The following IBSP variants were observed in gnomAD, a reference collection of about 807,000 sequenced individuals.
IBSP encodes the protein integrin binding sialoprotein.
IBSP carries 19 observed loss-of-function variants against 25.5 expected under a neutral mutation model. The ratio of observed to expected loss-of-function variants is 0.74; its 90% CI spans 0.52 to 1.09. The LOEUF (loss-of-function observed/expected upper bound fraction) is 1.09, where lower values mean the gene tolerates loss of function less well. Ranked by LOEUF, IBSP falls within the 50% of genes least tolerant of loss-of-function variation. The pLI is 0.00. For synonymous variants in IBSP, 144 were observed against 137.6 expected, an observed-to-expected ratio of 1.05 and a Z score of -0.33; for missense variants, 360 against 382.3, an observed-to-expected ratio of 0.94 and a Z score of 0.49.
At chr4:87,804,837 T>G (rs751488760) in intron 4 of IBSP, among the ~76,000 whole-genome samples, 10 of 152,066 alleles carry the variant, frequency 6.6e-5, no homozygotes, top group Non-Finnish European at 1.2e-4. Context: ...AAGCCAGAGG[T>G]GAAGGAGCAT....
In IBSP at chr4:87,811,366, G is replaced by C. The variant is rs762327098; in HGVS notation, c.410G>C (p.Gly137Ala). The C allele has an allele frequency of 1.1e-5, 17 of 1,603,434 alleles. No individual in the cohort carries two copies. The highest frequency in any genetic ancestry group is 1.4e-5 in the Non-Finnish European group (17 of 1,176,476). The part of the protein sequence containing the change: ...LAAIQLPKKA[G>A]DITNKATKEK... ...CTTTCAAACGTTTCCTTACAGGCTG[G>C]GGATATAACAAATAAAGCTACAAAA... The change falls in exon 7 of 7, where the codon GGG becomes GCG. Residue 137 changes from glycine to alanine, a missense_variant. Gly to Ala is a moderately conservative substitution (Grantham distance 60). Coordinates refer to ENST00000226284, the MANE Select transcript of IBSP (RefSeq NM_004967.4).
intron 4 of IBSP, 149 bp from the exon 5 acceptor site, chr4:87,805,973 T>A (rs889203523): frequency 1.5e-6 from 1 of 648,512 alleles, no homozygotes; most frequent in African/African-American, 1.9e-5. Context: ...CTGTTCTTAG[T>A]AAACAAGTCA....
intron 1 of IBSP, among the ~76,000 whole-genome samples, chr4:87,801,418 T>G (rs1722013647): frequency 6.6e-6 from 1 of 151,904 alleles, no homozygotes; most frequent in Admixed American, 6.6e-5. Context: ...GATGTCAGTG[T>G]GATATTTCAT....
Position 87,802,572 on chromosome 4 carries a change from G to A in IBSP, c.105+14G>A. 1 of 1,599,720 alleles carries A rather than the reference G, an allele frequency of 6.3e-7. No individual in the cohort carries two copies. Among genetic ancestry groups the A allele is most frequent in the South Asian group, 1.1e-5 (1 of 87,958 alleles). ...GAAGAAAATGGGGTAATTAATTTTA[G>A]CATACTTCCTTGGCCTGATTATACT... On this transcript the variant is annotated intron_variant, in intron 3 of 6. Coordinates refer to ENST00000226284, the MANE Select transcript of IBSP (RefSeq NM_004967.4).
At chr4:87,800,512 G>C (rs895297964) in intron 1 of IBSP, among the ~76,000 whole-genome samples, 1 of 152,124 alleles carries the variant, frequency 6.6e-6, no homozygotes, top group Non-Finnish European at 1.5e-5. Context: ...TGATGGGCTT[G>C]GTCACGGCTG....
chr4:87,807,307 T>C (rs1722102572), intron 5 of IBSP, among the ~76,000 whole-genome samples: 1 of 152,174 alleles, frequency 6.6e-6, no homozygotes, highest in South Asian at 2.1e-4. Context: ...TATTCAAAAA[T>C]GGATCATGTA....
intron 1 of IBSP, among the ~76,000 whole-genome samples, chr4:87,801,505 CACACACACACGCAT>C (rs1424676986): frequency 2.3e-5 from 2 of 87,950 alleles, no homozygotes; most frequent in Non-Finnish European, 6.2e-5. Flanking sequence ...CACACACACA[CACACACACACGCAT>C]ATACACACAC....
intron 5 of IBSP, among the ~76,000 whole-genome samples, chr4:87,807,435 T>C (rs1722103848): frequency 6.7e-6 from 1 of 149,256 alleles, no homozygotes; most frequent in Non-Finnish European, 1.5e-5. Context: ...TACTAACATC[T>C]TGAAGGAAGG....
Position 87,811,981 on chromosome 4 carries a change from G to C in IBSP, c.*71G>C. ...CTACCATTTTCGAAGTTCAACTCAG[G>C]AAGGTGCAATATAACAAATGTGCAT... On this transcript the variant is annotated 3_prime_UTR_variant, in exon 7 of 7. Coordinates refer to ENST00000226284, the MANE Select transcript of IBSP (RefSeq NM_004967.4). 1.6e-6 allele frequency: 2 copies of C among 1,227,972 alleles called. No individual in the cohort carries two copies. Among genetic ancestry groups the C allele is most frequent in the Non-Finnish European group, 2.3e-6 (2 of 878,056 alleles). The allele number at this position is 1,227,972 out of a possible 1,614,324, so 76.1% of individuals were successfully genotyped here. A position where few individuals can be genotyped will look rare whatever the true frequency, so the allele number is the denominator to read the frequency against.
At chr4:87,802,459 T>C (rs373609852) in intron 2 of IBSP, 44 bp downstream of exon 2, 2 of 1,595,708 alleles carry the variant, frequency 1.3e-6, no homozygotes, top group Non-Finnish European at 1.7e-6. Flanking sequence ...AGTTTTGTCT[T>C]TTTATGTAAA....
rs377383906 is a variant in IBSP at position 87,806,207 on chromosome 4, C to A, written c.246+23C>A. The stretch of plus-strand genomic sequence containing the variant: ...GAGGTAAGGAATTTTGCAATCTTTT[C>A]GTAATAAAGCAGACAGCACAAGAAA... On this transcript the variant is annotated intron_variant, in intron 5 of 6. Coordinates refer to ENST00000226284, the MANE Select transcript of IBSP (RefSeq NM_004967.4). 13 of 1,583,952 alleles carry A rather than the reference C, an allele frequency of 8.2e-6. No individual in the cohort carries two copies. The South Asian group carries it at 1.5e-4, about 18-fold the overall frequency.
chr4:87,800,667 C>T (rs1314898112), intron 1 of IBSP, among the ~76,000 whole-genome samples: 1 of 152,126 alleles, frequency 6.6e-6, no homozygotes, highest in African/African-American at 2.4e-5. Context: ...ACTGTCTGGG[C>T]ACCAAAACCC....
rs894108086 is a variant in IBSP at position 87,812,243 on chromosome 4, T to C, written c.*333T>C. On this transcript the variant is annotated 3_prime_UTR_variant, in exon 7 of 7. Coordinates refer to ENST00000226284, the MANE Select transcript of IBSP (RefSeq NM_004967.4). ...AGTATTGCTAACTGCAAAAACATAC[T>C]CTTTGTACAAGAAGTGCTTCTAAGA... The C allele has an allele frequency of 1.3e-5, 3 of 228,628 alleles. No individual in the cohort carries two copies. The highest frequency in any genetic ancestry group is 2.3e-5 in the African/African-American group (1 of 44,302). 14.2% of individuals were successfully genotyped at this position (228,628 alleles called of 1,614,324 possible).
chr4:87,809,356 T>C (rs1412813219), intron 5 of IBSP, among the ~76,000 whole-genome samples: 2 of 152,218 alleles, frequency 1.3e-5, no homozygotes, highest in Non-Finnish European at 2.9e-5. Flanking sequence ...ACCAATAAAC[T>C]GCTATCTATT....
At chr4:87,807,276 C>T (rs1722102071) in intron 5 of IBSP, among the ~76,000 whole-genome samples, 1 of 152,094 alleles carries the variant, frequency 6.6e-6, no homozygotes, top group South Asian at 2.1e-4. Flanking sequence ...TTCTCAGGTG[C>T]TATTTATGAA....
At chr4:87,804,560 T>C (rs1299973185) in intron 4 of IBSP, among the ~76,000 whole-genome samples, 2 of 152,212 alleles carry the variant, frequency 1.3e-5, no homozygotes, top group Admixed American at 6.5e-5. Context: ...GGTAAGAATT[T>C]AATCTTATAT....
chr4:87,805,183 A>G (rs1445312141), intron 4 of IBSP, among the ~76,000 whole-genome samples: 1 of 152,230 alleles, frequency 6.6e-6, no homozygotes, highest in Non-Finnish European at 1.5e-5. Flanking sequence ...CCCAGAAGTT[A>G]GAGATCCTTC....
intron 6 of IBSP, among the ~76,000 whole-genome samples, chr4:87,810,982 A>C (rs1722162368): frequency 6.6e-6 from 1 of 152,138 alleles, no homozygotes. Flanking sequence ...TTCTCCTACC[A>C]TGTTATTACA....
rs139255369 is a variant in IBSP, at chr4:87,810,716, G to A, written c.357G>A (p.Thr119=). 273 of 1,613,952 alleles carry A rather than the reference G, an allele frequency of 1.7e-4. No homozygotes were observed. The highest frequency in any genetic ancestry group is 1.2e-3 in the South Asian group (108 of 91,070). ...CACTGGGCTATGGAGAGGACGCCAC[G>A]CCTGGCACAGGGTATACAGGGTTAG... is the stretch of plus-strand genomic sequence containing the variant. ...ATTLGYGEDA[T]PGTGYTGLAA... Residue 119 remains threonine, a synonymous_variant, in exon 6 of 7, where the codon ACG becomes ACA. Transcript: ENST00000226284.
Sources: allele counts gnomAD v4.1 joint callset (sites outside exome capture counted in the v4.1 genomes callset), GRCh38; gene constraint gnomAD v4.1.1; transcripts MANE v1.5; gene names NCBI Gene and HGNC (gene_info 2026-07-23, HGNC 2026-07-21).